The following SPIDR variants were observed in gnomAD, a reference collection of about 807,000 sequenced individuals.
SPIDR encodes the protein scaffold protein involved in DNA repair, also known as DNA repair-scaffolding protein.
In SPIDR, 93 loss-of-function variants were observed where a neutral mutation model predicts 104.6. The ratio of observed to expected loss-of-function variants is 0.89; its 90% CI spans 0.75 to 1.06. The LOEUF is 1.06. Among genes scored for constraint, SPIDR ranks in the 50% least tolerant of loss-of-function variants. SPIDR has a pLI of 0.00. For missense variants in SPIDR, 1,154 were observed against 1,111.2 expected, an observed-to-expected ratio of 1.04 and a Z score of -0.55; for synonymous variants, 431 against 416.9, an observed-to-expected ratio of 1.03 and a Z score of -0.41.
At chr8:47,378,808 A>G (rs1211232369) in intron 5 of SPIDR, among the ~76,000 whole-genome samples, 1 of 152,190 alleles carries the variant, frequency 6.6e-6, no homozygotes, top group Non-Finnish European at 1.5e-5. Context: ...GTGCCTTTGG[A>G]GCTAACCTTG....
chr8:47,512,123 T>C (rs1358567424), intron 8 of SPIDR: 1 of 471,962 alleles, frequency 2.1e-6, no homozygotes, highest in Non-Finnish European at 3.9e-6. Flanking sequence ...TCTCTCAGCG[T>C]CTTCTGTTGC....
rs1563546666 is a variant in SPIDR, at chr8:47,688,015, A to AGTGTGTG, written c.1686-12388_1686-12387insGTGTGTG. ...TTGAGACCTGGCTGTCAAAAAAAAA[A>AGTGTGTG]AGTGTGTGTGTGTGTGTGTGTGTGT... On this transcript the variant is annotated intron_variant, in intron 11 of 19. Coordinates refer to ENST00000297423, the MANE Select transcript of SPIDR (RefSeq NM_001080394.4). Among the ~76,000 whole-genome samples, 7 of 62,492 alleles carry AGTGTGTG rather than the reference A, an allele frequency of 1.1e-4. No individual in the cohort carries two copies. The East Asian group carries it at 4.7e-3, about 42-fold the overall frequency. The allele number at this position is 62,492 out of a possible 152,430, so 41.0% of individuals were successfully genotyped here. A position where few individuals can be genotyped will look rare whatever the true frequency, so the allele number is the denominator to read the frequency against.
At chr8:47,284,735 C>G (rs986145866) in intron 3 of SPIDR, among the ~76,000 whole-genome samples, 3 of 152,168 alleles carry the variant, frequency 2.0e-5, no homozygotes, top group African/African-American at 2.4e-5. Context: ...TCAGCTTTGC[C>G]TTTCCTTTGG....
At chr8:47,324,728 A>G (rs1224100991) in intron 5 of SPIDR, among the ~76,000 whole-genome samples, 2 of 152,208 alleles carry the variant, frequency 1.3e-5, no homozygotes, top group East Asian at 1.9e-4. Context: ...GAGGAAGTCT[A>G]GGTTGATTAT....
At chr8:47,424,964 T>G (rs1225878176) in intron 7 of SPIDR, among the ~76,000 whole-genome samples, 1 of 152,192 alleles carries the variant, frequency 6.6e-6, no homozygotes, top group Non-Finnish European at 1.5e-5. Flanking sequence ...ATTAACCACC[T>G]TGCCCAGACT....
At chr8:47,616,596 G>A (rs1047963651) in intron 10 of SPIDR, among the ~76,000 whole-genome samples, 2 of 152,130 alleles carry the variant, frequency 1.3e-5, no homozygotes, top group Non-Finnish European at 2.9e-5. Flanking sequence ...TCTATAGTGG[G>A]AATTTACAAA....
At chr8:47,483,898 T>A (rs930606038) in intron 8 of SPIDR, among the ~76,000 whole-genome samples, 7 of 151,662 alleles carry the variant, frequency 4.6e-5, no homozygotes, top group Admixed American at 1.3e-4. Context: ...TGGGGTGGAG[T>A]TCCAGTTTTA....
At chr8:47,513,235 A>G (rs1281384319) in intron 8 of SPIDR, among the ~76,000 whole-genome samples, 1 of 152,240 alleles carries the variant, frequency 6.6e-6, no homozygotes, top group African/African-American at 2.4e-5. Context: ...CTCAAACCAG[A>G]TATTCAAAAC....
intron 7 of SPIDR, among the ~76,000 whole-genome samples, chr8:47,409,134 C>T (rs1333157952): frequency 6.6e-6 from 1 of 152,120 alleles, no homozygotes; most frequent in African/African-American, 2.4e-5. Flanking sequence ...TTCAGTGAGC[C>T]AAGGTTGTGC....
chr8:47,713,941 A>G (rs1394231211), intron 16 of SPIDR, among the ~76,000 whole-genome samples: 9 of 152,152 alleles, frequency 5.9e-5, no homozygotes, highest in Admixed American at 5.2e-4. Context: ...AGGAGCCTCA[A>G]GCTGAGCTCT....
chr8:47,388,145 T>A (rs2154304995), intron 5 of SPIDR, among the ~76,000 whole-genome samples: 1 of 152,328 alleles, frequency 6.6e-6, no homozygotes, highest in South Asian at 2.1e-4. Flanking sequence ...CTATGTCTGC[T>A]GGTTTTAGAT....
intron 5 of SPIDR, among the ~76,000 whole-genome samples, chr8:47,317,497 G>T (rs1255119183): frequency 2.6e-5 from 4 of 152,132 alleles, no homozygotes; most frequent in Non-Finnish European, 5.9e-5. Context: ...AAGGAGGCCT[G>T]CCTGCCTCTG....
intron 8 of SPIDR, among the ~76,000 whole-genome samples, chr8:47,552,279 T>C (rs2090629717): frequency 6.6e-6 from 1 of 152,222 alleles, no homozygotes; most frequent in Non-Finnish European, 1.5e-5. Flanking sequence ...TGTAGATGTC[T>C]ATTAGGTCTG....
intron 11 of SPIDR, among the ~76,000 whole-genome samples, chr8:47,698,310 G>A (rs1045921228): frequency 6.6e-6 from 1 of 152,142 alleles, no homozygotes; most frequent in South Asian, 2.1e-4. Flanking sequence ...ATGAATTGCA[G>A]TGAGAGGAAC....
chr8:47,424,486 C>G (rs1445535577), intron 7 of SPIDR, among the ~76,000 whole-genome samples: 1 of 151,696 alleles, frequency 6.6e-6, no homozygotes, highest in Non-Finnish European at 1.5e-5. Context: ...AAAAAAATTT[C>G]TTTTTTTTCT....
At chr8:47,378,853 T>G (rs574255810) in intron 5 of SPIDR, among the ~76,000 whole-genome samples, 163 of 152,320 alleles carry the variant, frequency 1.1e-3, no homozygotes, top group Non-Finnish European at 1.7e-3. Context: ...CTGAAATAAT[T>G]GCTAGTAGAT....
chr8:47,485,140 C>T (rs782355704), intron 8 of SPIDR, among the ~76,000 whole-genome samples: 68 of 152,240 alleles, frequency 4.5e-4, no homozygotes, highest in Non-Finnish European at 7.8e-4. Context: ...AATCGGGTCA[C>T]TCCCACCCTA....
chr8:47,574,495 C>T (rs557447935), intron 8 of SPIDR, among the ~76,000 whole-genome samples: 1 of 152,084 alleles, frequency 6.6e-6, no homozygotes, highest in South Asian at 2.1e-4. Flanking sequence ...TGGTGGCTCA[C>T]GCCTGTAATC....
In SPIDR at chr8:47,355,381, C is replaced by T. The variant is rs376380036; in HGVS notation, c.526-40995C>T. On this transcript the variant is annotated intron_variant, in intron 5 of 19. Coordinates refer to ENST00000297423, the MANE Select transcript of SPIDR (RefSeq NM_001080394.4). ...CATTTTTGTGATCATTCATTATGTC[C>T]GTATTCATTAATGCCTTTCTAGAAT... Among the ~76,000 whole-genome samples the T allele has an allele frequency of 3.8e-3, 569 of 149,032 alleles. 3 individuals are homozygous for T. Among genetic ancestry groups the T allele is most frequent in the South Asian group, 0.022 (107 of 4,758 alleles).
Sources: gnomAD v4.1 joint callset for allele counts (sites outside exome capture counted in the v4.1 genomes callset) on GRCh38, gnomAD v4.1.1 for gene constraint, MANE v1.5 for transcripts, NCBI Gene and HGNC (gene_info 2026-07-23, HGNC 2026-07-21) for gene names.